The following NFIB variants were observed in gnomAD, a reference collection of about 807,000 sequenced individuals.
The protein encoded by NFIB is nuclear factor I B.
NFIB carries 11 observed loss-of-function variants against 61.5 expected under a neutral mutation model. That is an observed-to-expected ratio of 0.18 (90% confidence interval 0.11 to 0.30). NFIB has a LOEUF of 0.30. Ranked by LOEUF, NFIB falls within the 10% of genes least tolerant of loss-of-function variation. The probability of loss-of-function intolerance (pLI) is 1.00; values close to 1 mark genes in which losing one functional copy is unlikely to be tolerated. For missense variants in NFIB, 471 were observed against 608.9 expected (o/e 0.77, Z 2.38); for synonymous variants, 260 against 216.5 (o/e 1.20, Z -1.76).
the NFIB span, among the ~76,000 whole-genome samples, chr9:14,439,949 G>T: frequency 6.6e-6 from 1 of 152,230 alleles, no homozygotes; most frequent in Non-Finnish European, 1.5e-5. Flanking sequence ...GGCAGGGCAG[G>T]AGAAGAACTT....
chr9:14,264,146 A>T (rs1214349443), intron 2 of NFIB, among the ~76,000 whole-genome samples: 1 of 152,138 alleles, frequency 6.6e-6, no homozygotes, highest in Non-Finnish European at 1.5e-5. Context: ...CCTAGTGAAT[A>T]TTACAGAAAT....
At chr9:14,142,821 A>T (rs1308322635) in intron 6 of NFIB, among the ~76,000 whole-genome samples, 1 of 152,186 alleles carries the variant, frequency 6.6e-6, no homozygotes, top group Non-Finnish European at 1.5e-5. Context: ...TAGAGAGAGA[A>T]GCAGTCAGGA....
intron 5 of NFIB, among the ~76,000 whole-genome samples, chr9:14,148,407 C>T (rs901513538): frequency 1.3e-5 from 2 of 151,966 alleles, no homozygotes; most frequent in African/African-American, 2.4e-5. Flanking sequence ...AGTCACTGTG[C>T]CCAGTGAATA....
chr9:14,489,969 TCAAA>T, the NFIB span, among the ~76,000 whole-genome samples: 7 of 152,266 alleles, frequency 4.6e-5, no homozygotes, highest in South Asian at 1.2e-3. Flanking sequence ...CAGTGAATGC[TCAAA>T]CAATGCTAAA....
At chr9:14,198,449 G>A (rs1288807305) in intron 2 of NFIB, among the ~76,000 whole-genome samples, 2 of 151,128 alleles carry the variant, frequency 1.3e-5, no homozygotes, top group African/African-American at 2.4e-5. Flanking sequence ...GTGGAGATCT[G>A]CATATAATCT....
the NFIB span, among the ~76,000 whole-genome samples, chr9:14,463,668 T>TCC: frequency 4.4e-5 from 3 of 68,534 alleles, no homozygotes; most frequent in Non-Finnish European, 8.6e-5. Flanking sequence ...TCTTTTTTTT[T>TCC]TTTTTTTTTT....
intron 2 of NFIB, among the ~76,000 whole-genome samples, chr9:14,253,288 G>T (rs979246387): frequency 2.0e-5 from 3 of 152,166 alleles, no homozygotes; most frequent in African/African-American, 7.2e-5. Context: ...ATGTTTGAAA[G>T]AAAGAGACTT....
the NFIB span, among the ~76,000 whole-genome samples, chr9:14,485,940 C>T: frequency 6.6e-6 from 1 of 151,962 alleles, no homozygotes; most frequent in African/African-American, 2.4e-5. Flanking sequence ...CCTGTCCTTA[C>T]AATGGAAATG....
intron 2 of NFIB, among the ~76,000 whole-genome samples, chr9:14,254,849 G>C (rs1453273617): frequency 6.6e-6 from 1 of 152,138 alleles, no homozygotes; most frequent in East Asian, 1.9e-4. Context: ...GCAAGGTCTA[G>C]AGGCCTAAAT....
the NFIB span, among the ~76,000 whole-genome samples, chr9:14,435,745 G>C: frequency 0.01 from 1,529 of 152,312 alleles, 17 homozygotes; most frequent in Non-Finnish European, 0.017. Flanking sequence ...AATCCTAGCA[G>C]ACACTGTAAG....
the NFIB span, among the ~76,000 whole-genome samples, chr9:14,438,295 A>T: frequency 6.6e-6 from 1 of 152,342 alleles, no homozygotes; most frequent in Admixed American, 6.5e-5. Flanking sequence ...GCTTCCAAAT[A>T]CATCACCATC....
At chr9:14,091,159 AC>A (rs1420001139) in intron 10 of NFIB, among the ~76,000 whole-genome samples, 1 of 151,900 alleles carries the variant, frequency 6.6e-6, no homozygotes, top group Non-Finnish European at 1.5e-5. Context: ...CACTATGCAG[AC>A]CCCATATATG....
chr9:14,403,356 CG>C (rs2061760618), upstream of NFIB, among the ~76,000 whole-genome samples: 1 of 152,208 alleles, frequency 6.6e-6, no homozygotes, highest in South Asian at 2.1e-4. Flanking sequence ...GCCATGCTCC[CG>C]GATCCCTGTT....
At chr9:14,416,470 C>G in the NFIB span, among the ~76,000 whole-genome samples, 2 of 150,454 alleles carry the variant, frequency 1.3e-5, no homozygotes, top group African/African-American at 2.5e-5. Flanking sequence ...CTGTGTAGGC[C>G]CAGGCTAATG....
intron 2 of NFIB, among the ~76,000 whole-genome samples, chr9:14,291,658 C>A (rs949943889): frequency 6.6e-6 from 1 of 151,930 alleles, no homozygotes; most frequent in Non-Finnish European, 1.5e-5. Flanking sequence ...AATTCTTTAA[C>A]TGAGATGATA....
At chr9:14,205,757 T>C (rs1269606445) in intron 2 of NFIB, among the ~76,000 whole-genome samples, 1 of 152,208 alleles carries the variant, frequency 6.6e-6, no homozygotes, top group Non-Finnish European at 1.5e-5. Flanking sequence ...TTCATCATAG[T>C]GCTTATTCAC....
At chr9:14,485,463 C>A in the NFIB span, among the ~76,000 whole-genome samples, 1,573 of 152,302 alleles carry the variant, frequency 0.01, 29 homozygotes, top group African/African-American at 0.035. Context: ...TTGAACTATA[C>A]AATACACCAC....
intron 2 of NFIB, among the ~76,000 whole-genome samples, chr9:14,270,112 T>A (rs2132317469): frequency 6.6e-6 from 1 of 152,280 alleles, no homozygotes; most frequent in South Asian, 2.1e-4. Context: ...CAAGCCACTG[T>A]ACTTCCATCA....
chr9:14,526,519 C>T, the NFIB span, among the ~76,000 whole-genome samples: 2 of 152,172 alleles, frequency 1.3e-5, no homozygotes, highest in African/African-American at 4.8e-5. Flanking sequence ...AACTTTTGCA[C>T]TGAATATCAA....
Sources: gnomAD v4.1 joint callset for allele counts (sites outside exome capture counted in the v4.1 genomes callset) on GRCh38, gnomAD v4.1.1 for gene constraint, MANE v1.5 for transcripts, NCBI Gene and HGNC (gene_info 2026-07-23, HGNC 2026-07-21) for gene names.